The following PITRM1 variants were observed in gnomAD, a reference collection of about 807,000 sequenced individuals.
The protein encoded by PITRM1 is presequence protease, mitochondrial.
Under a neutral mutation model 129.9 loss-of-function variants are expected in PITRM1, and 100 were observed. That is an observed-to-expected ratio of 0.77 (90% confidence interval 0.65 to 0.91). The LOEUF (loss-of-function observed/expected upper bound fraction) is 0.91. PITRM1 is among the 40% of genes least tolerant of loss of function. PITRM1 has a pLI of 0.00. For synonymous variants in PITRM1, 591 were observed against 508.8 expected, an observed-to-expected ratio of 1.16 and a Z score of -2.17; for missense variants, 1,471 against 1,318.3, an observed-to-expected ratio of 1.12 and a Z score of -1.79.
chr10:3,172,651 G>A (rs897052529), intron 1 of PITRM1, 66 bp downstream of exon 1: 1 of 1,430,288 alleles, frequency 7.0e-7, no homozygotes, highest in Non-Finnish European at 9.3e-7. Flanking sequence ...CTACGCCTCC[G>A]GCCTGCCCTG....
rs367814681 is a variant in PITRM1, at chr10:3,165,487, G to A, written c.459C>T (p.Pro153=). The A allele has an allele frequency of 2.0e-5, 32 of 1,612,874 alleles. No homozygotes were observed. Among genetic ancestry groups the A allele is most frequent in the African/African-American group, 1.1e-4 (8 of 74,864 alleles). Residue 153 remains proline, a synonymous_variant, in exon 5 of 27, where the codon CCC becomes CCT. Transcript: ENST00000224949. ...YTLYPFSTQN[P]KDFQNLLSVY... ...CCGAGAGGAGATTCTGAAAGTCCTT[G>A]GGATTTTGTGTGGAAAATGGATACA...
In PITRM1 at chr10:3,158,134, C is replaced by T. The variant is rs1842128019; in HGVS notation, c.1156G>A (p.Glu386Lys). Residue 386 changes from glutamate to lysine, a missense_variant, in exon 11 of 27, where the codon GAG becomes AAG. Glu to Lys is a moderately conservative substitution (Grantham distance 56). Coordinates refer to ENST00000224949, the MANE Select transcript of PITRM1 (RefSeq NM_014889.4). ...TGGAGGCCGACACTAAAGTAGGCCT[C>T]CCTCGTGTAGCCATTATATCTAGAA... is the stretch of plus-strand genomic sequence containing the variant. ...PDVGYNGYTR[E>K]AYFSVGLQGI... is the part of the protein sequence containing the mutation. 1 of 1,602,272 alleles carries T rather than the reference C, an allele frequency of 6.2e-7. No homozygotes were observed. Among genetic ancestry groups the T allele is most frequent in the South Asian group, 1.1e-5 (1 of 90,284 alleles).
chr10:3,159,153 C>T (rs1842228349), intron 9 of PITRM1, 111 bp from the exon 10 acceptor site: 1 of 960,544 alleles, frequency 1.0e-6, no homozygotes, highest in Non-Finnish European at 1.5e-6. Flanking sequence ...GAAATTCTTG[C>T]ATTTCAACAT....
rs1236224161 is a variant in PITRM1 at position 3,172,721 on chromosome 10, C to G, written c.52G>C (p.Gly18Arg). The part of the protein sequence containing the change: ...QGLCVLRRLS[G>R]GHAHHRAWRW... Reference sequence around the variant, plus strand: ...CCTCCCGTCGCAGCGTCTCACCCGCCGCTCAGCCGCCTCAGCACACACAGG... The same window carrying G: ...CCTCCCGTCGCAGCGTCTCACCCGCGGCTCAGCCGCCTCAGCACACACAGG... The change falls in exon 1 of 27, where the codon GGC becomes CGC. Residue 18 changes from glycine (G) to arginine (R), a missense_variant. Coordinates refer to ENST00000224949, the MANE Select transcript of PITRM1 (RefSeq NM_014889.4). 3.9e-6 allele frequency: 6 copies of G among 1,541,720 alleles called. No homozygotes were observed. The highest frequency in any genetic ancestry group is 4.4e-6 in the Non-Finnish European group (5 of 1,144,040).
chr10:3,171,543 A>T (rs371306884), intron 1 of PITRM1, among the ~76,000 whole-genome samples: 1 of 152,248 alleles, frequency 6.6e-6, no homozygotes, highest in South Asian at 2.1e-4. Flanking sequence ...TCCCGGGTTC[A>T]AGCAATTCTG....
At chr10:3,155,106 G>A (rs987580863) in intron 14 of PITRM1, among the ~76,000 whole-genome samples, 1 of 152,212 alleles carries the variant, frequency 6.6e-6, no homozygotes, top group South Asian at 2.1e-4. Flanking sequence ...GGGCACACCT[G>A]TCTCCCCCAC....
chr10:3,145,685 G>A lies in PITRM1; in HGVS notation c.2368C>T (p.Pro790Ser), dbSNP rs1840783112. The A allele has an allele frequency of 6.4e-7, 1 of 1,550,758 alleles. No homozygotes were observed. Among genetic ancestry groups the A allele is most frequent in the South Asian group, 1.2e-5 (1 of 84,092 alleles). Residue 790 changes from proline (P) to serine (S), a missense_variant, in exon 21 of 27, where the codon CCT becomes TCT. By Grantham distance (74) the Pro-to-Ser change is moderately conservative. Coordinates refer to ENST00000224949, the MANE Select transcript of PITRM1 (RefSeq NM_014889.4). Reference sequence around the variant, plus strand: ...TCTTCGACCGCTTTTTCTGTCTGAGGCATCTGCTGAGGAGTCGCATTCACT... The same window carrying A: ...TCTTCGACCGCTTTTTCTGTCTGAGACATCTGCTGAGGAGTCGCATTCACT... ...CSVNATPQQM[P>S]QTEKAVEDFL...
At chr10:3,169,953 G>T (rs146630101) in intron 2 of PITRM1, 151 bp downstream of exon 2, 3 of 560,428 alleles carry the variant, frequency 5.4e-6, no homozygotes, top group African/African-American at 3.8e-5. Flanking sequence ...CTGTTCAGCC[G>T]AGTAGCTGCC....
In PITRM1 at chr10:3,166,223, T is replaced by C; in HGVS notation, c.418+6A>G. The C allele has an allele frequency of 6.2e-7, 1 of 1,605,450 alleles. No individual in the cohort carries two copies. The highest frequency in any genetic ancestry group is 8.5e-7 in the Non-Finnish European group (1 of 1,176,160). ...AAGCAGTTTCTGTTCAGGATGCTGGTCTTACCTGTGAAGGCGTTCATGAAC... is the reference window on the plus strand; with the variant it reads ...AAGCAGTTTCTGTTCAGGATGCTGGCCTTACCTGTGAAGGCGTTCATGAAC... On this transcript the variant is annotated splice_donor_region_variant and intron_variant, in intron 4 of 26. Coordinates refer to ENST00000224949, the MANE Select transcript of PITRM1 (RefSeq NM_014889.4).
Position 3,172,782 on chromosome 10 carries a change from C to A in PITRM1, c.-10G>T. The A allele has an allele frequency of 6.5e-7, 1 of 1,538,978 alleles. No individual in the cohort carries two copies. Among genetic ancestry groups the A allele is most frequent in the South Asian group, 1.2e-5 (1 of 83,314 alleles). On this transcript the variant is annotated 5_prime_UTR_variant, in exon 1 of 27. Coordinates refer to ENST00000224949, the MANE Select transcript of PITRM1 (RefSeq NM_014889.4). ...CGCCGCAGCGCCACATTGCGCATGA[C>A]GAGCACCTGGCTGGCGAGGAACCCC...
In PITRM1 at chr10:3,145,322, G is replaced by C. The variant is rs1840739525; in HGVS notation, c.2457+274C>G. On this transcript the variant is annotated intron_variant, in intron 21 of 26. Transcript: ENST00000224949. The stretch of plus-strand genomic sequence containing the variant: ...GCCATTCCTCTGCCAGCGTATTCCA[G>C]CCAAAGTCTGTTTTCCTATCAGACT... 9 of 403,902 alleles carry C rather than the reference G, an allele frequency of 2.2e-5. No individual in the cohort carries two copies. In the South Asian group the frequency reaches 4.3e-4, roughly 19 times the overall value. The allele number at this position is 403,902 out of a possible 1,614,324, so 25.0% of individuals were successfully genotyped here. A position where few individuals can be genotyped will look rare whatever the true frequency, so the allele number is the denominator to read the frequency against.
At chr10:3,143,248 A>T (rs1792010270) in intron 23 of PITRM1, 141 bp downstream of exon 23, 2 of 621,906 alleles carry the variant, frequency 3.2e-6, no homozygotes, top group East Asian at 5.5e-5. Context: ...GAGCACTCGT[A>T]GACTCACACA....
Position 3,158,029 on chromosome 10 carries a change from G to C in PITRM1, c.1250+11C>G. On this transcript the variant is annotated intron_variant, in intron 11 of 26. Coordinates refer to ENST00000224949, the MANE Select transcript of PITRM1 (RefSeq NM_014889.4). Reference sequence around the variant, plus strand: ...AACGAAAGCAGATTGTTACAAACAAGCTACACTCACTCAACTACTTCATCA... The same window carrying C: ...AACGAAAGCAGATTGTTACAAACAACCTACACTCACTCAACTACTTCATCA... 1 of 1,492,482 alleles carries C rather than the reference G, an allele frequency of 6.7e-7. No homozygotes were observed. Among genetic ancestry groups the C allele is most frequent in the African/African-American group, 1.4e-5 (1 of 72,950 alleles). 92.5% of individuals were successfully genotyped at this position (1,492,482 alleles called of 1,614,324 possible). A position where few individuals can be genotyped will look rare whatever the true frequency, so the allele number is the denominator to read the frequency against.
At chr10:3,160,427 T>C (rs1288082896) in intron 7 of PITRM1, 97 bp from the exon 8 acceptor site, 4 of 990,618 alleles carry the variant, frequency 4.0e-6, no homozygotes, top group Non-Finnish European at 6.2e-6. Context: ...GGAGTGCCCC[T>C]TACCCAAGGT....
rs187045954 is a variant in PITRM1, at chr10:3,161,200, G to A, written c.792-870C>T. Among the ~76,000 whole-genome samples the A allele has an allele frequency of 2.5e-4, 38 of 152,198 alleles. No individual in the cohort carries two copies. The East Asian group carries it at 6.4e-3, about 26-fold the overall frequency. ...GAGCCACCACACCTAGCCAAAAATC[G>A]ATCTTACATTTTAAACTTCATCTAG... is the stretch of plus-strand genomic sequence containing the variant. On this transcript the variant is annotated intron_variant, in intron 7 of 26. Transcript: ENST00000224949.
chr10:3,145,945 C>A lies in PITRM1; in HGVS notation c.2337-229G>T, dbSNP rs139988469. On this transcript the variant is annotated intron_variant, in intron 20 of 26. Transcript: ENST00000224949. ...GTGGCAGCTAATGAAGCCGTCCATACGCGGAGCCTGTGACTCTAAACTCTA... is the reference window on the plus strand; with the variant it reads ...GTGGCAGCTAATGAAGCCGTCCATAAGCGGAGCCTGTGACTCTAAACTCTA... 8.9e-4 allele frequency: 464 copies of A among 519,330 alleles called. 3 individuals are homozygous for A. The highest frequency in any genetic ancestry group is 8.0e-3 in the African/African-American group (417 of 51,932). The allele number at this position is 519,330 out of a possible 1,614,324, so 32.2% of individuals were successfully genotyped here. A position where few individuals can be genotyped will look rare whatever the true frequency, so the allele number is the denominator to read the frequency against.
intron 23 of PITRM1, chr10:3,141,581 G>C: frequency 2.3e-6 from 1 of 425,704 alleles, no homozygotes; most frequent in Non-Finnish European, 4.9e-6. Context: ...CACTGTGAAC[G>C]GTAACATCAC....
intron 23 of PITRM1, 111 bp downstream of exon 23, chr10:3,143,276 CAG>C (rs1421306993): frequency 5.9e-6 from 4 of 681,576 alleles, no homozygotes; most frequent in South Asian, 3.5e-5. Flanking sequence ...GTCCAACACT[CAG>C]AGTCAGCACA....
intron 26 of PITRM1, 50 bp from the exon 27 acceptor site, chr10:3,138,174 C>G: frequency 6.4e-7 from 1 of 1,572,336 alleles, no homozygotes; most frequent in Non-Finnish European, 8.7e-7. Context: ...TGCGTGAGCG[C>G]TGTTAGAGTC....
Sources: allele counts gnomAD v4.1 joint callset (sites outside exome capture counted in the v4.1 genomes callset), GRCh38; gene constraint gnomAD v4.1.1; transcripts MANE v1.5; gene names NCBI Gene and HGNC (gene_info 2026-07-23, HGNC 2026-07-21).